Variants in SUPT4H1 observed in about 807,000 individuals in gnomAD.
SUPT4H1 encodes the protein transcription elongation factor SPT4.
SUPT4H1 carries 12 observed loss-of-function variants against 19.4 expected under a neutral mutation model. The observed-to-expected ratio is 0.62, with a 90% CI of 0.40 to 1.00. SUPT4H1 has a LOEUF of 1.00. SUPT4H1 is among the 50% of genes least tolerant of loss of function. The pLI is 0.00. For missense variants in SUPT4H1, 115 were observed against 149.2 expected (o/e 0.77, Z 1.19); for synonymous variants, 58 against 56.3 (o/e 1.03, Z -0.14).
chr17:58,350,442 C>T (rs938864943), intron 2 of SUPT4H1, among the ~76,000 whole-genome samples: 7 of 151,472 alleles, frequency 4.6e-5, no homozygotes, highest in South Asian at 4.2e-4. Context: ...ACCTGGGAGG[C>T]GGAGGTTGCA....
chr17:58,351,483 C>T lies in SUPT4H1; in HGVS notation c.95G>A (p.Gly32Asp). 3 of 1,613,600 alleles carry T rather than the reference C, an allele frequency of 1.9e-6. No individual in the cohort carries two copies. The highest frequency in any genetic ancestry group is 2.5e-6 in the Non-Finnish European group (3 of 1,179,660). The change falls in exon 2 of 5, where the codon GGT becomes GAT. Residue 32 changes from glycine to aspartate, a missense_variant. By Grantham distance (94) the Gly-to-Asp change is moderately conservative (BLOSUM62 -1). Transcript: ENST00000225504. ...VKTIDQFEYD[G>D]CDNCDAYLQM... is the part of the protein sequence containing the mutation. ...TAGATATGCATCACAATTGTCACAA[C>T]CATCATATTCAAACTGGTCTATAGT...
At chr17:58,346,910 T>TA (rs896649269) in intron 4 of SUPT4H1, among the ~76,000 whole-genome samples, 43 of 152,046 alleles carry the variant, frequency 2.8e-4, no homozygotes, top group Admixed American at 2.2e-3. Context: ...GCCCAGGAGT[T>TA]AGAGTCCAGC....
chr17:58,348,209 G>A (rs1432998257), intron 2 of SUPT4H1, among the ~76,000 whole-genome samples: 1 of 152,174 alleles, frequency 6.6e-6, no homozygotes, highest in Non-Finnish European at 1.5e-5. Flanking sequence ...GATTCCAGAG[G>A]AATGGTAAGG....
intron 2 of SUPT4H1, 151 bp downstream of exon 2, chr17:58,351,251 C>CAA (rs565767343): frequency 7.1e-3 from 2,606 of 366,208 alleles, no homozygotes; most frequent in South Asian, 9.4e-3. Context: ...AACCCTGATT[C>CAA]AAAAAAAAAA....
intron 3 of SUPT4H1, 115 bp downstream of exon 3, chr17:58,347,414 A>G (rs1972331598): frequency 1.4e-6 from 2 of 1,422,690 alleles, no homozygotes; most frequent in Non-Finnish European, 2.0e-6. Flanking sequence ...GTTTCCTACA[A>G]CCCGATCTTT....
chr17:58,347,927 G>A (rs1331372947), intron 2 of SUPT4H1, among the ~76,000 whole-genome samples: 1 of 152,216 alleles, frequency 6.6e-6, no homozygotes, highest in Non-Finnish European at 1.5e-5. Flanking sequence ...CTAGGGCCTA[G>A]TGCAAAGAGG....
At chr17:58,351,948 C>T (rs1972541663) in intron 1 of SUPT4H1, 119 bp downstream of exon 1, 2 of 1,074,570 alleles carry the variant, frequency 1.9e-6, no homozygotes, top group African/African-American at 1.6e-5. Flanking sequence ...TCTCACTCCC[C>T]CTGCCACCTC....
At chr17:58,346,447 A>C in intron 4 of SUPT4H1, 134 bp from the exon 5 acceptor site, 1 of 710,864 alleles carries the variant, frequency 1.4e-6, no homozygotes, top group Non-Finnish European at 2.5e-6. Context: ...CTGCTTGGCC[A>C]GGCACGGTGG....
intron 1 of SUPT4H1, 177 bp downstream of exon 1, chr17:58,351,866 TAAGACCGCCCCTGCCCTCAGCTGC>T: frequency 1.6e-6 from 1 of 610,632 alleles, no homozygotes; most frequent in South Asian, 2.0e-5. Context: ...CAAAGGCATG[TAAGACCGCCCCTGCCCTCAGCTGC>T]AAGACCTGTC....
chr17:58,347,051 TA>T, intron 4 of SUPT4H1, 136 bp downstream of exon 4: 1 of 832,494 alleles, frequency 1.2e-6, no homozygotes, highest in Non-Finnish European at 2.0e-6. Flanking sequence ...GCAAGTGATT[TA>T]ACCTCTCTGT....
At chr17:58,351,251 CAAAAAAA>C (rs565767343) in intron 2 of SUPT4H1, 144 bp downstream of exon 2, 221 of 368,388 alleles carry the variant, frequency 6.0e-4, no homozygotes, top group Middle Eastern at 2.0e-3. Flanking sequence ...AACCCTGATT[CAAAAAAA>C]AAAAAAAAAA....
rs933891580 is a variant in SUPT4H1, at chr17:58,346,442, T to G, written c.287-129A>C. On this transcript the variant is annotated intron_variant, in intron 4 of 4. Coordinates refer to ENST00000225504, the MANE Select transcript of SUPT4H1 (RefSeq NM_003168.3). ...CTAGACTACTTATCAATCGTCTGCT[T>G]GGCCAGGCACGGTGGCTCATGCCTG... 4.0e-6 allele frequency: 3 copies of G among 749,198 alleles called. No individual in the cohort carries two copies. In the African/African-American group the frequency reaches 5.2e-5, roughly 13 times the overall value. 46.4% of individuals were successfully genotyped at this position (749,198 alleles called of 1,614,324 possible).
chr17:58,351,469 CA>C lies in SUPT4H1; in HGVS notation c.108del (p.Cys36TrpfsTer7). 7 of 1,613,874 alleles carry C rather than the reference CA, an allele frequency of 4.3e-6. No homozygotes were observed. Among genetic ancestry groups the C allele is most frequent in the Non-Finnish European group, 5.9e-6 (7 of 1,179,864 alleles). ...TTACCCTTCATTTGTAGATATGCAT[CA>C]CAATTGTCACAACCATCATATTCAA... ...DQFEYDGCDN[C>X]DAYLQMKGNR... On this transcript the variant is annotated frameshift_variant, in exon 2 of 5. Coordinates refer to ENST00000225504, the MANE Select transcript of SUPT4H1 (RefSeq NM_003168.3). LOFTEE classifies it high-confidence loss of function.
chr17:58,346,400 T>A, intron 4 of SUPT4H1, 87 bp from the exon 5 acceptor site: 1 of 1,087,010 alleles, frequency 9.2e-7, no homozygotes, highest in Non-Finnish European at 1.4e-6. Context: ...GGGGGTACTA[T>A]AAGCAAACTG....
At chr17:58,349,646 T>C (rs148765787) in intron 2 of SUPT4H1, among the ~76,000 whole-genome samples, 19 of 152,330 alleles carry the variant, frequency 1.2e-4, no homozygotes, top group Admixed American at 9.1e-4. Context: ...CAAGATATCA[T>C]TGATGAATGA....
In SUPT4H1 at chr17:58,347,249, A is replaced by G. The variant is rs1218944572; in HGVS notation, c.233-8T>C. The G allele has an allele frequency of 6.2e-7, 1 of 1,614,080 alleles. No individual in the cohort carries two copies. The highest frequency in any genetic ancestry group is 2.2e-5 in the East Asian group (1 of 44,888). ...CACCTGGCTTAAAGTTACCTGAGAGAGAAGAAAAAAGATACAAGATTACAG... is the reference window on the plus strand; with the variant it reads ...CACCTGGCTTAAAGTTACCTGAGAGGGAAGAAAAAAGATACAAGATTACAG... On this transcript the variant is annotated splice_region_variant and splice_polypyrimidine_tract_variant and intron_variant, in intron 3 of 4. Coordinates refer to ENST00000225504, the MANE Select transcript of SUPT4H1 (RefSeq NM_003168.3).
At chr17:58,351,285 A>C in intron 2 of SUPT4H1, 117 bp downstream of exon 2, 1 of 682,952 alleles carries the variant, frequency 1.5e-6, no homozygotes, top group Admixed American at 2.7e-5. Context: ...CCCACACAAA[A>C]TAACCCCCAA....
chr17:58,350,031 C>T (rs1477066080), intron 2 of SUPT4H1, among the ~76,000 whole-genome samples: 2 of 152,184 alleles, frequency 1.3e-5, no homozygotes, highest in Non-Finnish European at 2.9e-5. Context: ...GCCTGTAATC[C>T]CAGCACTTTG....
At chr17:58,347,621 C>T (rs1441174827) in intron 2 of SUPT4H1, 37 bp from the exon 3 acceptor site, 1 of 1,601,478 alleles carries the variant, frequency 6.2e-7, no homozygotes, top group Non-Finnish European at 8.6e-7. Flanking sequence ...CAGCCTGAGC[C>T]TCCCTGGGCC....
Sources: allele counts gnomAD v4.1 joint callset (sites outside exome capture counted in the v4.1 genomes callset), GRCh38; gene constraint gnomAD v4.1.1; transcripts MANE v1.5; gene names NCBI Gene and HGNC (gene_info 2026-07-23, HGNC 2026-07-21).